CAMK1D: variants seen among roughly 807,000 people sequenced by gnomAD.
CAMK1D encodes the protein calcium/calmodulin dependent protein kinase ID, also known as calcium/calmodulin-dependent protein kinase type 1D.
In CAMK1D, 9 loss-of-function variants were observed where a neutral mutation model predicts 47.7. That is an observed-to-expected ratio of 0.19 (90% CI 0.11 to 0.33). The LOEUF (loss-of-function observed/expected upper bound fraction) is 0.33, where lower values mean the gene tolerates loss of function less well. Among genes scored for constraint, CAMK1D ranks in the 10% least tolerant of loss-of-function variants. The probability of loss-of-function intolerance (pLI) is 1.00; values close to 1 mark genes in which losing one functional copy is unlikely to be tolerated. For missense variants in CAMK1D, 291 were observed against 488.7 expected (o/e 0.60, Z 3.81); for synonymous variants, 184 against 184.9 (o/e 0.99, Z 0.04).
At chr10:12,383,175 T>C (rs1212350995) in intron 1 of CAMK1D, among the ~76,000 whole-genome samples, 1 of 152,204 alleles carries the variant, frequency 6.6e-6, no homozygotes, top group East Asian at 1.9e-4. Context: ...AAGTATTTGG[T>C]ACTAAATAAT....
chr10:12,459,523 C>G (rs1401004898), intron 1 of CAMK1D, among the ~76,000 whole-genome samples: 1 of 152,084 alleles, frequency 6.6e-6, no homozygotes, highest in Non-Finnish European at 1.5e-5. Context: ...CCCACGCATA[C>G]ACTCAGATAA....
chr10:12,419,971 T>C (rs1839993250), intron 1 of CAMK1D, among the ~76,000 whole-genome samples: 1 of 152,134 alleles, frequency 6.6e-6, no homozygotes, highest in African/African-American at 2.4e-5. Flanking sequence ...TTTTTTTTTT[T>C]TCTCTTGAGA....
chr10:12,454,900 A>G (rs1833196564), intron 1 of CAMK1D, among the ~76,000 whole-genome samples: 1 of 152,224 alleles, frequency 6.6e-6, no homozygotes, highest in Non-Finnish European at 1.5e-5. Context: ...TCTCATTGCC[A>G]GGTTATAATG....
chr10:12,598,664 G>A (rs1385776187), intron 2 of CAMK1D, among the ~76,000 whole-genome samples: 1 of 152,200 alleles, frequency 6.6e-6, no homozygotes, highest in African/African-American at 2.4e-5. Flanking sequence ...AGAAAGGACC[G>A]AAGGTCTGAA....
rs371802279 is a variant in CAMK1D at position 12,802,585 on chromosome 10, A to G, written c.641+11352A>G. On this transcript the variant is annotated intron_variant, in intron 6 of 10. Coordinates refer to ENST00000619168, the MANE Select transcript of CAMK1D (RefSeq NM_153498.4). ...ACCCAGGCTGGAGTGCAGTGGCACA[A>G]TCTCAGCTCACTGTAACCTCCGCCT... Among the ~76,000 whole-genome samples, 91 of 152,226 alleles carry G rather than the reference A, an allele frequency of 6.0e-4. 1 individual carries two copies. In the South Asian group the frequency reaches 0.019, roughly 31 times the overall value.
chr10:12,538,987 A>G (rs1338940626), intron 1 of CAMK1D, among the ~76,000 whole-genome samples: 5 of 152,004 alleles, frequency 3.3e-5, no homozygotes, highest in African/African-American at 7.2e-5. Flanking sequence ...AGGTGGTCTC[A>G]AACTCCTGTC....
chr10:12,618,342 T>G (rs1185907602), intron 2 of CAMK1D, among the ~76,000 whole-genome samples: 1 of 152,256 alleles, frequency 6.6e-6, no homozygotes, highest in Non-Finnish European at 1.5e-5. Context: ...TTCTGTTGCT[T>G]CGCACTTTCA....
chr10:12,575,980 T>G (rs755826094), intron 2 of CAMK1D, among the ~76,000 whole-genome samples: 1 of 152,218 alleles, frequency 6.6e-6, no homozygotes, highest in Non-Finnish European at 1.5e-5. Flanking sequence ...GGGAGTTCTT[T>G]GTCAGTCATG....
chr10:12,468,678 C>T (rs1052196088), intron 1 of CAMK1D, among the ~76,000 whole-genome samples: 2 of 152,162 alleles, frequency 1.3e-5, no homozygotes, highest in Non-Finnish European at 2.9e-5. Context: ...GTGCCTATAA[C>T]CCCCCATGAC....
chr10:12,539,485 TCA>T (rs773387261), intron 1 of CAMK1D, among the ~76,000 whole-genome samples: 1 of 152,286 alleles, frequency 6.6e-6, no homozygotes, highest in African/African-American at 2.4e-5. Flanking sequence ...CGTCGTTGCT[TCA>T]CCATTCAGGT....
chr10:12,448,986 CT>C (rs1489382605), intron 1 of CAMK1D, among the ~76,000 whole-genome samples: 2 of 152,104 alleles, frequency 1.3e-5, no homozygotes, highest in African/African-American at 4.8e-5. Context: ...TGAGATCATT[CT>C]TGTAAACACT....
At chr10:12,387,445 TTATATATATATA>T (rs373637712) in intron 1 of CAMK1D, among the ~76,000 whole-genome samples, 1 of 66,660 alleles carries the variant, frequency 1.5e-5, no homozygotes, top group Non-Finnish European at 3.3e-5. Context: ...TATATATATT[TTATATATATATA>T]TATATATAGA....
chr10:12,354,702 G>C (rs888165342), intron 1 of CAMK1D, among the ~76,000 whole-genome samples: 1 of 151,700 alleles, frequency 6.6e-6, no homozygotes, highest in Non-Finnish European at 1.5e-5. Context: ...GAGCCGCCGC[G>C]CCCAGCCGAT....
intron 3 of CAMK1D, among the ~76,000 whole-genome samples, chr10:12,742,323 CG>C (rs1206040115): frequency 6.6e-6 from 1 of 151,838 alleles, no homozygotes; most frequent in African/African-American, 2.4e-5. Flanking sequence ...TTAGTAGAGA[CG>C]GGGTCTCACC....
intron 5 of CAMK1D, among the ~76,000 whole-genome samples, chr10:12,781,837 AG>A (rs1322838796): frequency 6.6e-6 from 1 of 151,994 alleles, no homozygotes; most frequent in East Asian, 1.9e-4. Context: ...TAGTAGAGAC[AG>A]GGTTTTACCA....
chr10:12,414,910 T>C (rs1839790621), intron 1 of CAMK1D, among the ~76,000 whole-genome samples: 1 of 152,100 alleles, frequency 6.6e-6, no homozygotes, highest in African/African-American at 2.4e-5. Flanking sequence ...TTATGGAGAG[T>C]GAGTTTCTTT....
At chr10:12,683,862 T>C (rs1391456999) in intron 3 of CAMK1D, among the ~76,000 whole-genome samples, 1 of 151,920 alleles carries the variant, frequency 6.6e-6, no homozygotes, top group African/African-American at 2.4e-5. Context: ...AATAACCACT[T>C]ATTCAGACCC....
rs189638870 is a variant in CAMK1D at position 12,631,981 on chromosome 10, G to A, written c.225-34755G>A. Among the ~76,000 whole-genome samples the A allele has an allele frequency of 2.1e-3, 317 of 152,252 alleles. 1 individual carries two copies. The Middle Eastern group carries it at 0.034, about 16-fold the overall frequency. ...GTAAATATTTGTTCAATGAGTGAGC[G>A]AATGAACCGAGCTCTTAACGCACCA... On this transcript the variant is annotated intron_variant, in intron 2 of 10. Coordinates refer to ENST00000619168, the MANE Select transcript of CAMK1D (RefSeq NM_153498.4).
intron 1 of CAMK1D, among the ~76,000 whole-genome samples, chr10:12,506,578 G>A (rs956820892): frequency 6.6e-6 from 1 of 152,014 alleles, no homozygotes; most frequent in African/African-American, 2.4e-5. Flanking sequence ...AAGTGCAGTG[G>A]CACGATCTCA....
Sources: gnomAD v4.1 joint callset for allele counts (sites outside exome capture counted in the v4.1 genomes callset) on GRCh38, gnomAD v4.1.1 for gene constraint, MANE v1.5 for transcripts, NCBI Gene and HGNC (gene_info 2026-07-23, HGNC 2026-07-21) for gene names.